The following ST8SIA6 variants were observed in gnomAD, a reference collection of about 807,000 sequenced individuals.
ST8SIA6 encodes the protein alpha-2,8-sialyltransferase 8F.
Under a neutral mutation model 33.6 loss-of-function variants are expected in ST8SIA6, and 39 were observed. That is an observed-to-expected ratio of 1.16 (90% CI 0.90 to 1.52). The LOEUF (loss-of-function observed/expected upper bound fraction) is 1.52. ST8SIA6 is among the 40% of genes most tolerant of loss of function. The pLI is 0.00. For synonymous variants in ST8SIA6, 172 were observed against 167.2 expected (o/e 1.03, Z -0.22); for missense variants, 441 against 443.8 (o/e 0.99, Z 0.06).
chr10:17,361,163 T>C (rs778151302), intron 3 of ST8SIA6, among the ~76,000 whole-genome samples: 2 of 152,022 alleles, frequency 1.3e-5, no homozygotes, highest in African/African-American at 4.8e-5. Context: ...AGAATATTAG[T>C]GAAAAATGAG....
Position 17,454,162 on chromosome 10 carries a change from G to T in ST8SIA6, c.94C>A (p.Arg32Ser), listed in dbSNP as rs1588943879. 3 of 278,142 alleles carry T rather than the reference G, an allele frequency of 1.1e-5. No homozygotes were observed. The highest frequency in any genetic ancestry group is 2.0e-5 in the Non-Finnish European group (3 of 151,426). The allele number at this position is 278,142 out of a possible 1,614,324, so 17.2% of individuals were successfully genotyped here. ...LLWCPADAPGRARILVEESRE... is the reference protein window; with the variant it reads ...LLWCPADAPGSARILVEESRE... ...GGCGGGTGGGTGGGTTACCTGGCGC[G>T]GCCGGGCGCGTCTGCCGGGCACCAG... The change falls in exon 1 of 8, where the codon CGC becomes AGC. Residue 32 changes from arginine (R) to serine (S), a missense_variant. By Grantham distance (110) the Arg-to-Ser change is moderately radical. Coordinates refer to ENST00000377602, the MANE Select transcript of ST8SIA6 (RefSeq NM_001004470.3). The surrounding 1 kb of genome is among the most constrained non-coding windows in gnomAD (Gnocchi z 4.1).
At chr10:17,346,284 G>T (rs537249520) in intron 4 of ST8SIA6, among the ~76,000 whole-genome samples, 2 of 152,292 alleles carry the variant, frequency 1.3e-5, no homozygotes, top group Non-Finnish European at 2.9e-5. Flanking sequence ...TGACTCCAGT[G>T]GACTGCAACC....
At chr10:17,331,948 T>A (rs1383118203) in intron 4 of ST8SIA6, among the ~76,000 whole-genome samples, 1 of 152,054 alleles carries the variant, frequency 6.6e-6, no homozygotes, top group East Asian at 1.9e-4. Flanking sequence ...CTCCCTCCCC[T>A]TGCCTCCAAC....
At position 17,320,802 on chromosome 10, in the gene ST8SIA6, C is replaced by CT. The variant is rs1847916270; in HGVS notation, c.*75dup. ...TCATCTCAAAATACTCTTTAGCCAC[C>CT]TCCTTTGGTGTTTGGAGACATTGTT... is the stretch of plus-strand genomic sequence containing the variant. On this transcript the variant is annotated 3_prime_UTR_variant, in exon 8 of 8. Transcript: ENST00000377602. The CT allele has an allele frequency of 6.1e-6, 9 of 1,486,246 alleles. No homozygotes were observed. In the Admixed American group the frequency reaches 1.7e-4, roughly 27 times the overall value. 92.1% of individuals were successfully genotyped at this position (1,486,246 alleles called of 1,614,324 possible). A position where few individuals can be genotyped will look rare whatever the true frequency, so the allele number is the denominator to read the frequency against.
chr10:17,345,529 CTGTT>C lies in ST8SIA6; in HGVS notation c.377+13981_378-13978del, dbSNP rs551651530. 1.3e-3 allele frequency among the ~76,000 whole-genome samples: 203 copies of C among 152,028 alleles called. 1 individual carries two copies. The Middle Eastern group carries it at 0.017, about 13-fold the overall frequency. ...GGAGAAGGAGATGGAGGGGTAAAGA[CTGTT>C]TGAGAAGCAGGAAGGAGGGAATGTG... On this transcript the variant is annotated intron_variant, in intron 4 of 7. Coordinates refer to ENST00000377602, the MANE Select transcript of ST8SIA6 (RefSeq NM_001004470.3).
chr10:17,379,040 C>T (rs369730658), intron 3 of ST8SIA6, among the ~76,000 whole-genome samples: 2 of 151,770 alleles, frequency 1.3e-5, no homozygotes, highest in East Asian at 1.9e-4. Flanking sequence ...GCAGAAGAAT[C>T]GCTTGAACCC....
intron 2 of ST8SIA6, among the ~76,000 whole-genome samples, chr10:17,434,606 G>T: frequency 6.6e-6 from 1 of 152,140 alleles, no homozygotes; most frequent in East Asian, 1.9e-4. Context: ...TGCTCTTAAT[G>T]AAACTCAGGG....
chr10:17,411,153 C>T (rs1485150766), intron 2 of ST8SIA6, among the ~76,000 whole-genome samples: 1 of 151,362 alleles, frequency 6.6e-6, no homozygotes, highest in Non-Finnish European at 1.5e-5. Flanking sequence ...AATAACCCTA[C>T]CCAACAGACT....
At chr10:17,454,595 T>TGCC (rs1014659971), upstream of ST8SIA6, among the ~76,000 whole-genome samples, 13 of 151,650 alleles carry the variant, frequency 8.6e-5, no homozygotes, top group Admixed American at 2.0e-4. This position sits in a 1 kb window ranked among gnomAD's most constrained non-coding sequence, Gnocchi z 4.1. Flanking sequence ...CCACTGCTGC[T>TGCC]GCCGCCGCCG....
intron 4 of ST8SIA6, among the ~76,000 whole-genome samples, chr10:17,352,678 A>G (rs1182039165): frequency 6.6e-6 from 1 of 152,140 alleles, no homozygotes; most frequent in Admixed American, 6.5e-5. Context: ...AGTTCCATAT[A>G]CTTTGATGGC....
At chr10:17,357,224 C>G (rs966253786) in intron 4 of ST8SIA6, among the ~76,000 whole-genome samples, 2 of 151,694 alleles carry the variant, frequency 1.3e-5, no homozygotes, top group African/African-American at 2.4e-5. Context: ...CTCCTGAGTT[C>G]AAGCGATTCT....
chr10:17,336,594 CTTTTT>C (rs10536702), intron 4 of ST8SIA6, among the ~76,000 whole-genome samples: 1 of 126,946 alleles, frequency 7.9e-6, no homozygotes, highest in Non-Finnish European at 1.6e-5. Flanking sequence ...CACATGTGTG[CTTTTT>C]TTTTTTTTTT....
chr10:17,346,695 G>T (rs1848848524), intron 4 of ST8SIA6, among the ~76,000 whole-genome samples: 1 of 152,136 alleles, frequency 6.6e-6, no homozygotes, highest in African/African-American at 2.4e-5. Context: ...CATCAGTTTG[G>T]GGGCAGTTTA....
intron 2 of ST8SIA6, among the ~76,000 whole-genome samples, chr10:17,429,731 C>A (rs774263611): frequency 6.6e-6 from 1 of 152,096 alleles, no homozygotes; most frequent in Non-Finnish European, 1.5e-5. Context: ...GCGATCTGAC[C>A]GCCTCAGCCT....
intron 2 of ST8SIA6, among the ~76,000 whole-genome samples, chr10:17,410,997 A>G (rs1851428362): frequency 6.6e-6 from 1 of 152,348 alleles, no homozygotes; most frequent in South Asian, 2.1e-4. Context: ...CAATCACAAA[A>G]TGAAGCGATA....
chr10:17,333,699 ATATATATATATATATATATT>A (rs1416147126), intron 4 of ST8SIA6, among the ~76,000 whole-genome samples: 10 of 23,030 alleles, frequency 4.3e-4, no homozygotes, highest in South Asian at 2.6e-3. Context: ...ATATATATAT[ATATATATATATATATATATT>A]TTTTTTTTTT....
chr10:17,407,710 G>C (rs1851317802), intron 2 of ST8SIA6, among the ~76,000 whole-genome samples: 1 of 152,106 alleles, frequency 6.6e-6, no homozygotes, highest in African/African-American at 2.4e-5. Flanking sequence ...ATATCTACGA[G>C]CTCCCAGACA....
At chr10:17,442,269 A>C (rs1455932920) in intron 2 of ST8SIA6, among the ~76,000 whole-genome samples, 2 of 152,222 alleles carry the variant, frequency 1.3e-5, no homozygotes, top group African/African-American at 4.8e-5. Flanking sequence ...GGTAAATGCA[A>C]TATTTTCCAG....
intron 4 of ST8SIA6, among the ~76,000 whole-genome samples, chr10:17,357,295 T>C (rs917971570): frequency 2.2e-4 from 12 of 54,882 alleles, no homozygotes; most frequent in South Asian, 1.6e-3. Flanking sequence ...CTGGCTAATT[T>C]TTTTTTTTTT....
Sources: gnomAD v4.1 joint callset for allele counts (sites outside exome capture counted in the v4.1 genomes callset) on GRCh38, gnomAD v4.1.1 for gene constraint, Gnocchi (gnomAD v3.1) non-coding constraint, MANE v1.5 for transcripts, NCBI Gene and HGNC (gene_info 2026-07-23, HGNC 2026-07-21) for gene names.